The following MINDY2 variants were observed in gnomAD, a reference collection of about 807,000 sequenced individuals.
The protein encoded by MINDY2 is MINDY lysine 48 deubiquitinase 2, also known as ubiquitin carboxyl-terminal hydrolase MINDY-2.
A neutral mutation model predicts 68.2 loss-of-function variants in MINDY2; 52 were observed. The observed-to-expected ratio is 0.76, with a 90% confidence interval of 0.61 to 0.96. The LOEUF (loss-of-function observed/expected upper bound fraction) is 0.96, where lower values mean the gene tolerates loss of function less well. Ranked by LOEUF, MINDY2 falls within the 40% of genes least tolerant of loss-of-function variation. MINDY2 has a pLI of 0.00. For synonymous variants in MINDY2, 372 were observed against 303.0 expected, an observed-to-expected ratio of 1.23 and a Z score of -2.36; for missense variants, 881 against 773.4, an observed-to-expected ratio of 1.14 and a Z score of -1.65.
At chr15:58,836,088 T>G (rs564021863) in intron 6 of MINDY2, among the ~76,000 whole-genome samples, 24 of 152,168 alleles carry the variant, frequency 1.6e-4, no homozygotes, top group Admixed American at 4.6e-4. Flanking sequence ...TTTTTTGTAT[T>G]TTTAGTAGAG....
intron 7 of MINDY2, among the ~76,000 whole-genome samples, chr15:58,849,209 CA>C (rs758280065): frequency 0.017 from 2,161 of 124,882 alleles, 17 homozygotes; most frequent in East Asian, 0.051. Context: ...GAGTCTGTCT[CA>C]AAAAAAAAAA....
In MINDY2 at chr15:58,771,881, C is replaced by A; in HGVS notation, c.486C>A (p.Ser162Arg). The change falls in exon 1 of 9, where the codon AGC becomes AGA. Residue 162 changes from serine (S) to arginine (R), a missense_variant. By Grantham distance (110) the Ser-to-Arg change is moderately radical. Transcript: ENST00000559228. Reference protein sequence around the residue: ...SSAGGLSSSCSDPSPPGESPS... With the variant: ...SSAGGLSSSCRDPSPPGESPS... The stretch of plus-strand genomic sequence containing the variant: ...CCGGCGGCCTCAGCAGCAGTTGCAG[C>A]GACCCGAGCCCTCCTGGGGAATCTC... 1.9e-6 allele frequency: 3 copies of A among 1,572,686 alleles called. No homozygotes were observed. The highest frequency in any genetic ancestry group is 1.9e-5 in the Admixed American group (1 of 53,046).
At chr15:58,845,274 T>C (rs1234549156) in intron 6 of MINDY2, among the ~76,000 whole-genome samples, 3 of 151,876 alleles carry the variant, frequency 2.0e-5, no homozygotes, top group African/African-American at 7.3e-5. Context: ...GGTGTGATGG[T>C]GGGTATCTGT....
chr15:58,853,113 C>T (rs1209423624), intron 8 of MINDY2, among the ~76,000 whole-genome samples: 1 of 151,568 alleles, frequency 6.6e-6, no homozygotes, highest in Admixed American at 6.6e-5. Flanking sequence ...CCACCATGCC[C>T]AACTAATTTT....
At chr15:58,838,904 A>G (rs572910397) in intron 6 of MINDY2, among the ~76,000 whole-genome samples, 8 of 151,910 alleles carry the variant, frequency 5.3e-5, no homozygotes, top group African/African-American at 1.9e-4. Flanking sequence ...GACTTTTCAG[A>G]GGATCTTTAT....
intron 4 of MINDY2, among the ~76,000 whole-genome samples, chr15:58,814,798 T>C (rs887884928): frequency 5.5e-4 from 83 of 150,448 alleles, no homozygotes; most frequent in African/African-American, 1.9e-3. Context: ...TTTTAACTTT[T>C]TTTTTTTTTT....
chr15:58,842,130 T>C (rs755106100), intron 6 of MINDY2, among the ~76,000 whole-genome samples: 101 of 152,238 alleles, frequency 6.6e-4, no homozygotes, highest in Non-Finnish European at 1.3e-3. Context: ...TTATGACTTC[T>C]TGATTGTCCT....
chr15:58,800,141 T>G (rs1185725811), intron 2 of MINDY2, among the ~76,000 whole-genome samples: 1 of 152,240 alleles, frequency 6.6e-6, no homozygotes, highest in African/African-American at 2.4e-5. Context: ...AGCTAACTTA[T>G]GCCAAGCCCT....
intron 3 of MINDY2, among the ~76,000 whole-genome samples, chr15:58,806,069 G>A (rs1029527295): frequency 5.3e-5 from 8 of 152,124 alleles, no homozygotes; most frequent in African/African-American, 4.8e-5. Flanking sequence ...GCGAGACTCC[G>A]TCTCAAAAAA....
rs1156743239 is a variant in MINDY2, at chr15:58,856,259, AGT to A, written c.*1652_*1653del. 1.3e-5 allele frequency: 2 copies of A among 152,482 alleles called. No individual in the cohort carries two copies. The highest frequency in any genetic ancestry group is 1.3e-4 in the Admixed American group (2 of 15,256). The allele number at this position is 152,482 out of a possible 1,614,324, so 9.4% of individuals were successfully genotyped here. ...ATCTGACCTGAGCATCCACTTGGAG[AGT>A]GTTTTTTTTGTGTGTGGTCTGGGGT... On this transcript the variant is annotated 3_prime_UTR_variant, in exon 9 of 9. Coordinates refer to ENST00000559228, the MANE Select transcript of MINDY2 (RefSeq NM_001040450.3).
intron 2 of MINDY2, among the ~76,000 whole-genome samples, chr15:58,789,881 A>G (rs187447416): frequency 2.5e-3 from 377 of 152,262 alleles, no homozygotes; most frequent in Non-Finnish European, 4.3e-3. Context: ...TCCTGACCTC[A>G]GGTGATCCGC....
chr15:58,803,385 T>C (rs1902799940), intron 3 of MINDY2, among the ~76,000 whole-genome samples: 1 of 151,804 alleles, frequency 6.6e-6, no homozygotes, highest in Admixed American at 6.6e-5. Flanking sequence ...GGAGAATCAC[T>C]TGATCCCAGG....
chr15:58,848,304 A>G (rs983882266), intron 7 of MINDY2, among the ~76,000 whole-genome samples: 6 of 152,182 alleles, frequency 3.9e-5, no homozygotes, highest in Admixed American at 2.6e-4. Flanking sequence ...TATTCCTGGC[A>G]CTATAATTAG....
At chr15:58,843,106 G>A (rs2032358544) in intron 6 of MINDY2, among the ~76,000 whole-genome samples, 1 of 152,134 alleles carries the variant, frequency 6.6e-6, no homozygotes, top group South Asian at 2.1e-4. Flanking sequence ...TTTCTAAGAA[G>A]AAAAAACTAA....
At chr15:58,789,562 A>G (rs1461740001) in intron 2 of MINDY2, among the ~76,000 whole-genome samples, 3 of 151,300 alleles carry the variant, frequency 2.0e-5, no homozygotes, top group African/African-American at 4.9e-5. Flanking sequence ...GGCTCAGGTG[A>G]TCCTCCCACC....
chr15:58,810,217 T>C lies in MINDY2; in HGVS notation c.964-13T>C. ...TGTTTCTGAATTAGAACTTTCCCCT[T>C]TTCTATTTTCAGAATATGAGTGATG... On this transcript the variant is annotated splice_polypyrimidine_tract_variant and intron_variant, in intron 3 of 8. Transcript: ENST00000559228. 1 of 1,588,874 alleles carries C rather than the reference T, an allele frequency of 6.3e-7. No homozygotes were observed. Among genetic ancestry groups the C allele is most frequent in the Non-Finnish European group, 8.6e-7 (1 of 1,168,858 alleles).
chr15:58,794,801 G>A (rs1383247689), intron 2 of MINDY2, among the ~76,000 whole-genome samples: 1 of 152,102 alleles, frequency 6.6e-6, no homozygotes, highest in Non-Finnish European at 1.5e-5. Context: ...TGAATACCTA[G>A]GGAATTTGCT....
At chr15:58,778,317 C>G (rs1205756704) in intron 1 of MINDY2, among the ~76,000 whole-genome samples, 1 of 152,066 alleles carries the variant, frequency 6.6e-6, no homozygotes, top group Non-Finnish European at 1.5e-5. Flanking sequence ...TCCTTCTTAA[C>G]TCTTTTTGGT....
At chr15:58,790,928 T>C (rs959064669) in intron 2 of MINDY2, among the ~76,000 whole-genome samples, 1 of 151,864 alleles carries the variant, frequency 6.6e-6, no homozygotes, top group Non-Finnish European at 1.5e-5. Context: ...GCCTGTAATC[T>C]CAGCAGTTTG....
Sources: gnomAD v4.1 joint callset for allele counts (sites outside exome capture counted in the v4.1 genomes callset) on GRCh38, gnomAD v4.1.1 for gene constraint, MANE v1.5 for transcripts, NCBI Gene and HGNC (gene_info 2026-07-23, HGNC 2026-07-21) for gene names.